The following PPP1R9A variants were observed in gnomAD, a reference collection of about 807,000 sequenced individuals.
PPP1R9A encodes protein phosphatase 1 regulatory subunit 9A, also known as neurabin-1.
PPP1R9A carries 59 observed loss-of-function variants against 141.9 expected under a neutral mutation model. The ratio of observed to expected loss-of-function variants is 0.42; its 90% confidence interval spans 0.34 to 0.52. The LOEUF (loss-of-function observed/expected upper bound fraction) is 0.52, where lower values mean the gene tolerates loss of function less well. Ranked by LOEUF, PPP1R9A falls within the 20% of genes least tolerant of loss-of-function variation. The probability of loss-of-function intolerance (pLI) is 0.10; values close to 1 mark genes in which losing one functional copy is unlikely to be tolerated. For missense variants in PPP1R9A, 1,444 were observed against 1,611.9 expected, an observed-to-expected ratio of 0.90 and a Z score of 1.78; for synonymous variants, 500 against 569.7, an observed-to-expected ratio of 0.88 and a Z score of 1.74.
chr7:95,081,629 A>G (rs1002734659), intron 2 of PPP1R9A, among the ~76,000 whole-genome samples: 1 of 152,232 alleles, frequency 6.6e-6, no homozygotes, highest in Non-Finnish European at 1.5e-5. Flanking sequence ...TGAAAGGTGC[A>G]TTAGTAAACC....
intron 2 of PPP1R9A, among the ~76,000 whole-genome samples, chr7:95,062,805 C>G (rs1812418950): frequency 6.6e-6 from 1 of 151,946 alleles, no homozygotes; most frequent in South Asian, 2.1e-4. Context: ...AAAAAATAGC[C>G]ATAACAGGCT....
chr7:95,197,425 CT>C (rs531402609), intron 5 of PPP1R9A, among the ~76,000 whole-genome samples: 1 of 152,098 alleles, frequency 6.6e-6, no homozygotes, highest in Non-Finnish European at 1.5e-5. Context: ...TCTCTTTAGG[CT>C]TTTTTTATAG....
At chr7:95,166,762 A>T (rs2152733453) in intron 5 of PPP1R9A, among the ~76,000 whole-genome samples, 1 of 152,346 alleles carries the variant, frequency 6.6e-6, no homozygotes, top group African/African-American at 2.4e-5. Context: ...AAAATTTCTC[A>T]GCGAAATACT....
chr7:95,038,769 G>A (rs184344867), intron 2 of PPP1R9A, among the ~76,000 whole-genome samples: 1 of 152,262 alleles, frequency 6.6e-6, no homozygotes, highest in East Asian at 1.9e-4. Context: ...AGAGATTATA[G>A]AATGCTACTC....
chr7:95,012,453 A>T (rs545604593), intron 2 of PPP1R9A, among the ~76,000 whole-genome samples: 12 of 152,054 alleles, frequency 7.9e-5, no homozygotes, highest in Non-Finnish European at 1.8e-4. Context: ...CACCTCCAAC[A>T]TGGGGGATTA....
chr7:95,008,573 T>A (rs1447759881), intron 2 of PPP1R9A, among the ~76,000 whole-genome samples: 1 of 152,200 alleles, frequency 6.6e-6, no homozygotes, highest in Non-Finnish European at 1.5e-5. Context: ...TTCAGGAACA[T>A]GAAGCTCCTT....
Position 94,910,307 on chromosome 7 carries a change from G to GA in PPP1R9A, c.196dup (p.Ile66AsnfsTer2). On this transcript the variant is annotated frameshift_variant, in exon 2 of 20. Transcript: ENST00000433360. LOFTEE classifies it high-confidence loss of function. The surrounding 1 kb of genome is among the most constrained non-coding windows in gnomAD (Gnocchi z 4.5). ...AGGAAATATGGCTCCAATGTCAACA[G>GA]AATTAAAAACCTATTTATGCAGATG... The GA allele has an allele frequency of 6.2e-7, 1 of 1,614,034 alleles. No homozygotes were observed.
chr7:95,258,758 A>G (rs1799987521), intron 12 of PPP1R9A, among the ~76,000 whole-genome samples: 1 of 152,198 alleles, frequency 6.6e-6, no homozygotes, highest in African/African-American at 2.4e-5. Context: ...TAGACATTCA[A>G]CTTCACTGGC....
chr7:94,949,696 G>A (rs1796252907), intron 2 of PPP1R9A, among the ~76,000 whole-genome samples: 1 of 151,990 alleles, frequency 6.6e-6, no homozygotes. Context: ...TAATGGGGCA[G>A]GAACCTCACC....
At chr7:95,257,622 C>T (rs1398781829) in intron 12 of PPP1R9A, among the ~76,000 whole-genome samples, 3 of 151,796 alleles carry the variant, frequency 2.0e-5, no homozygotes, top group Non-Finnish European at 4.4e-5. Flanking sequence ...CCCATTAACT[C>T]GTCATTTAAC....
intron 5 of PPP1R9A, among the ~76,000 whole-genome samples, chr7:95,195,127 C>T (rs1487316411): frequency 6.6e-6 from 1 of 151,944 alleles, no homozygotes; most frequent in Non-Finnish European, 1.5e-5. Context: ...GAAACTCCAC[C>T]CTTACCACAC....
At chr7:94,990,071 T>A (rs1801322461) in intron 2 of PPP1R9A, among the ~76,000 whole-genome samples, 1 of 152,084 alleles carries the variant, frequency 6.6e-6, no homozygotes, top group African/African-American at 2.4e-5. Context: ...ATAAAATGCC[T>A]CTCACAATTC....
intron 2 of PPP1R9A, among the ~76,000 whole-genome samples, chr7:95,109,635 A>G (rs1361590794): frequency 6.6e-6 from 1 of 152,056 alleles, no homozygotes; most frequent in Non-Finnish European, 1.5e-5. Context: ...GAGCCTGGGA[A>G]TTCAAGACCA....
intron 2 of PPP1R9A, among the ~76,000 whole-genome samples, chr7:95,028,101 A>C (rs1320312569): frequency 2.0e-5 from 3 of 152,184 alleles, no homozygotes; most frequent in African/African-American, 7.2e-5. Context: ...ATATCACCAA[A>C]GGTTCTTCTG....
At position 94,963,034 on chromosome 7, in the gene PPP1R9A, C is replaced by T. The variant is rs976062299; in HGVS notation, c.1395+51526C>T. On this transcript the variant is annotated intron_variant, in intron 2 of 19. Coordinates refer to ENST00000433360, the MANE Select transcript of PPP1R9A (RefSeq NM_001166160.2). ...AATTGAAAATTCAAAATAGAAATTG[C>T]TTAAATACAGCAAAAAAATCTAGTT... 6.6e-5 allele frequency among the ~76,000 whole-genome samples: 10 copies of T among 152,096 alleles called. No homozygotes were observed. The East Asian group carries it at 1.9e-3, about 29-fold the overall frequency.
intron 5 of PPP1R9A, among the ~76,000 whole-genome samples, chr7:95,173,514 C>T (rs113466141): frequency 6.2e-4 from 94 of 151,912 alleles, no homozygotes; most frequent in African/African-American, 2.1e-3. Flanking sequence ...TAATGATAAA[C>T]TGCGTCAAAA....
intron 5 of PPP1R9A, among the ~76,000 whole-genome samples, chr7:95,194,719 CAAA>C (rs372060355): frequency 2.6e-5 from 3 of 114,582 alleles, no homozygotes; most frequent in African/African-American, 5.9e-5. Flanking sequence ...CTTACAATAC[CAAA>C]AAAAAAAAAA....
intron 2 of PPP1R9A, among the ~76,000 whole-genome samples, chr7:94,953,820 A>T (rs1170065084): frequency 6.6e-6 from 1 of 152,114 alleles, no homozygotes; most frequent in Non-Finnish European, 1.5e-5. Context: ...TTATCCTGAG[A>T]CTTTGCTGAA....
At chr7:95,219,328 T>G (rs549898719) in intron 7 of PPP1R9A, among the ~76,000 whole-genome samples, 1 of 152,332 alleles carries the variant, frequency 6.6e-6, no homozygotes, top group Admixed American at 6.5e-5. Context: ...GAGTTTCTGC[T>G]GAGAGATCCG....
Sources: allele counts gnomAD v4.1 joint callset (sites outside exome capture counted in the v4.1 genomes callset), GRCh38; gene constraint gnomAD v4.1.1; non-coding constraint Gnocchi (gnomAD v3.1); transcripts MANE v1.5; gene names NCBI Gene and HGNC (gene_info 2026-07-23, HGNC 2026-07-21).